Variants in NEK1 observed in about 807,000 individuals in gnomAD.
NEK1 encodes NIMA related kinase 1, also known as serine/threonine-protein kinase Nek1.
Under a neutral mutation model 182.1 loss-of-function variants are expected in NEK1, and 137 were observed. The ratio of observed to expected loss-of-function variants is 0.75; its 90% confidence interval spans 0.65 to 0.87. The LOEUF (loss-of-function observed/expected upper bound fraction) is 0.87, where lower values mean the gene tolerates loss of function less well. Ranked by LOEUF, NEK1 falls within the 40% of genes least tolerant of loss-of-function variation. NEK1 has a pLI of 0.00. For synonymous variants in NEK1, 513 were observed against 492.2 expected (o/e 1.04, Z -0.56); for missense variants, 1,391 against 1,494.4 (o/e 0.93, Z 1.14).
chr4:169,537,477 A>C lies in NEK1; in HGVS notation c.1665+332T>G, dbSNP rs375608378. 6.6e-5 allele frequency among the ~76,000 whole-genome samples: 10 copies of C among 152,310 alleles called. No individual in the cohort carries two copies. The South Asian group carries it at 2.1e-3, about 32-fold the overall frequency. Reference sequence around the variant, plus strand: ...AAACCAAAAGCATATTGGGGAAAAAAAACATGCAGCAATCCAAGAACTTAT... The same window carrying C: ...AAACCAAAAGCATATTGGGGAAAAACAACATGCAGCAATCCAAGAACTTAT... On this transcript the variant is annotated intron_variant, in intron 19 of 35. Transcript: ENST00000507142.
At chr4:169,489,574 T>C (rs1042267764) in intron 23 of NEK1, among the ~76,000 whole-genome samples, 1 of 152,270 alleles carries the variant, frequency 6.6e-6, no homozygotes, top group East Asian at 1.9e-4. Context: ...CCACCATTCA[T>C]GGGCCCTTGT....
Position 169,555,439 on chromosome 4 carries a change from T to G in NEK1, c.1562+281A>C, listed in dbSNP as rs1027226312. The G allele has an allele frequency of 2.2e-5, 8 of 357,622 alleles. No individual in the cohort carries two copies. The Admixed American group carries it at 3.4e-4, about 15-fold the overall frequency. 22.2% of individuals were successfully genotyped at this position (357,622 alleles called of 1,614,324 possible). A position where few individuals can be genotyped will look rare whatever the true frequency, so the allele number is the denominator to read the frequency against. On this transcript the variant is annotated intron_variant, in intron 18 of 35. Coordinates refer to ENST00000507142, the MANE Select transcript of NEK1 (RefSeq NM_001199397.3). ...TTTAAAGGAAGTGGGTGATAAAATG[T>G]TATAATTATGTTGGCAGAATGTTAT...
At chr4:169,430,213 C>T (rs1168372882) in intron 29 of NEK1, among the ~76,000 whole-genome samples, 2 of 152,066 alleles carry the variant, frequency 1.3e-5, no homozygotes, top group African/African-American at 4.8e-5. Flanking sequence ...GACAGAGTCT[C>T]ACTCTGTCAC....
intron 29 of NEK1, among the ~76,000 whole-genome samples, chr4:169,428,937 C>T (rs562737880): frequency 1.3e-5 from 2 of 151,980 alleles, no homozygotes; most frequent in African/African-American, 2.4e-5. Context: ...AAAGAGTCCC[C>T]TTTATTCTTT....
intron 10 of NEK1, among the ~76,000 whole-genome samples, chr4:169,583,266 CA>C (rs113591219): frequency 0.072 from 8,977 of 124,476 alleles, 276 homozygotes; most frequent in African/African-American, 0.12. Flanking sequence ...GACTCCATCT[CA>C]AAAAAAAAAA....
chr4:169,446,746 C>A (rs375051180), intron 27 of NEK1, among the ~76,000 whole-genome samples: 6 of 152,076 alleles, frequency 3.9e-5, no homozygotes, highest in African/African-American at 1.4e-4. Context: ...AATTCTGGAG[C>A]TGAGAAATGC....
chr4:169,407,897 T>C (rs1426610265), intron 31 of NEK1, among the ~76,000 whole-genome samples: 1 of 152,264 alleles, frequency 6.6e-6, no homozygotes, highest in Non-Finnish European at 1.5e-5. Flanking sequence ...ATTTAAATGT[T>C]CTCACACTCA....
chr4:169,454,299 A>C (rs1447015727), intron 27 of NEK1, among the ~76,000 whole-genome samples: 2 of 152,220 alleles, frequency 1.3e-5, no homozygotes, highest in South Asian at 2.1e-4. Context: ...AAACACCAAA[A>C]GCAATGGCAA....
chr4:169,562,013 AG>A lies in NEK1; in HGVS notation c.1080+123del. Reference sequence around the variant, plus strand: ...TGAGGTTTTTTTTTTAAAAAAAAAAAGAAGTTATAGGTATTCGTTTGAAAGA... The same window carrying A: ...TGAGGTTTTTTTTTTAAAAAAAAAAAAAGTTATAGGTATTCGTTTGAAAGA... On this transcript the variant is annotated intron_variant, in intron 13 of 35. Transcript: ENST00000507142. 4.5e-6 allele frequency: 5 copies of A among 1,101,084 alleles called. No homozygotes were observed. In the South Asian group the frequency reaches 4.6e-5, roughly 10 times the overall value. 68.2% of individuals were successfully genotyped at this position (1,101,084 alleles called of 1,614,324 possible). A position where few individuals can be genotyped will look rare whatever the true frequency, so the allele number is the denominator to read the frequency against.
At chr4:169,492,247 C>T (rs1750237649) in intron 23 of NEK1, among the ~76,000 whole-genome samples, 1 of 152,168 alleles carries the variant, frequency 6.6e-6, no homozygotes, top group African/African-American at 2.4e-5. Flanking sequence ...CTACGGACAT[C>T]TCATGCCCGT....
intron 29 of NEK1, among the ~76,000 whole-genome samples, chr4:169,429,997 T>C (rs1344450416): frequency 6.6e-6 from 1 of 152,188 alleles, no homozygotes; most frequent in Admixed American, 6.5e-5. Flanking sequence ...TTCTTCCAAA[T>C]TGTGATTTAT....
chr4:169,449,212 C>T (rs560812766), intron 27 of NEK1, among the ~76,000 whole-genome samples: 1 of 152,384 alleles, frequency 6.6e-6, no homozygotes. Flanking sequence ...CAGTAGTCTC[C>T]ACCTCTGTGG....
At position 169,427,268 on chromosome 4, in the gene NEK1, A is replaced by G. The variant is rs567234143; in HGVS notation, c.2886-1034T>C. Among the ~76,000 whole-genome samples, 5 of 151,898 alleles carry G rather than the reference A, an allele frequency of 3.3e-5. No individual in the cohort carries two copies. The East Asian group carries it at 9.7e-4, about 30-fold the overall frequency. ...CAGCCTCCCGAGTAGCTGGGACTAC[A>G]GGAGCCCGCCACCATGCCCGGCTAA... On this transcript the variant is annotated intron_variant, in intron 29 of 35. Transcript: ENST00000507142.
intron 27 of NEK1, among the ~76,000 whole-genome samples, chr4:169,442,030 C>A (rs985734435): frequency 5.9e-5 from 9 of 152,132 alleles, no homozygotes; most frequent in African/African-American, 2.2e-4. Flanking sequence ...TCTCAGTTCA[C>A]CACCACCACT....
chr4:169,397,161 T>A (rs1561113133), intron 35 of NEK1, among the ~76,000 whole-genome samples: 1 of 151,370 alleles, frequency 6.6e-6, no homozygotes, highest in Non-Finnish European at 1.5e-5. Flanking sequence ...GAGGCGGAGG[T>A]TGCAGTGAGT....
intron 18 of NEK1, among the ~76,000 whole-genome samples, chr4:169,547,025 G>C (rs1760591093): frequency 6.6e-6 from 1 of 152,154 alleles, no homozygotes; most frequent in Non-Finnish European, 1.5e-5. Context: ...TATGATGCTA[G>C]CTGGTTATTT....
intron 27 of NEK1, among the ~76,000 whole-genome samples, chr4:169,445,800 A>G (rs1024318994): frequency 1.3e-5 from 2 of 151,304 alleles, no homozygotes; most frequent in South Asian, 4.2e-4. Flanking sequence ...ATACCCATGT[A>G]ACAAACATGC....
chr4:169,541,572 TCA>T (rs1032526323), intron 18 of NEK1, among the ~76,000 whole-genome samples: 2 of 152,132 alleles, frequency 1.3e-5, no homozygotes, highest in African/African-American at 4.8e-5. Flanking sequence ...CCTACAGATT[TCA>T]GTTTGCTGAT....
chr4:169,605,387 C>A (rs1472517079), intron 2 of NEK1, among the ~76,000 whole-genome samples: 3 of 152,104 alleles, frequency 2.0e-5, no homozygotes, highest in African/African-American at 7.2e-5. Flanking sequence ...CTTTTCTGAA[C>A]AACAAAAGAC....
Sources: gnomAD v4.1 joint callset for allele counts (sites outside exome capture counted in the v4.1 genomes callset) on GRCh38, gnomAD v4.1.1 for gene constraint, MANE v1.5 for transcripts, NCBI Gene and HGNC (gene_info 2026-07-23, HGNC 2026-07-21) for gene names.